The following BTBD7 variants were observed in gnomAD, a reference collection of about 807,000 sequenced individuals.
BTBD7 encodes BTB/POZ domain-containing protein 7.
BTBD7 carries 38 observed loss-of-function variants against 99.9 expected under a neutral mutation model. The observed-to-expected ratio is 0.38, with a 90% confidence interval of 0.29 to 0.50. BTBD7 has a LOEUF of 0.50. BTBD7 is among the 20% of genes least tolerant of loss of function. BTBD7 has a pLI of 0.93. For missense variants in BTBD7, 1,170 were observed against 1,394.6 expected, an observed-to-expected ratio of 0.84 and a Z score of 2.57; for synonymous variants, 520 against 511.4, an observed-to-expected ratio of 1.02 and a Z score of -0.23.
chr14:93,311,774 T>C (rs899205358), intron 1 of BTBD7, among the ~76,000 whole-genome samples: 4 of 151,606 alleles, frequency 2.6e-5, no homozygotes, highest in African/African-American at 9.7e-5. Context: ...ATTCTTTTTA[T>C]CTTTAGGATA....
chr14:93,293,782 T>C, intron 3 of BTBD7, 76 bp downstream of exon 3: 1 of 1,507,138 alleles, frequency 6.6e-7, no homozygotes, highest in South Asian at 1.4e-5. Flanking sequence ...AATCATAGAA[T>C]ATACTGGTTG....
chr14:93,265,335 T>C (rs550873714), intron 3 of BTBD7, among the ~76,000 whole-genome samples: 13 of 152,320 alleles, frequency 8.5e-5, no homozygotes, highest in African/African-American at 2.2e-4. Flanking sequence ...AGAAATATCA[T>C]AGAGAACCGT....
chr14:93,261,589 T>C lies in BTBD7; in HGVS notation c.1447+13A>G. 4.4e-6 allele frequency: 7 copies of C among 1,602,870 alleles called. No individual in the cohort carries two copies. In the South Asian group the frequency reaches 6.6e-5, roughly 15 times the overall value. ...CACAAGGTAACTAGTGCAAGCTAAT[T>C]TTCGGAGCTTACCTCTATCTGCTAT... is the stretch of plus-strand genomic sequence containing the variant. On this transcript the variant is annotated intron_variant, in intron 5 of 10. Coordinates refer to ENST00000334746, the MANE Select transcript of BTBD7 (RefSeq NM_001002860.4).
chr14:93,298,225 C>T (rs2052953323), intron 1 of BTBD7, among the ~76,000 whole-genome samples: 1 of 152,180 alleles, frequency 6.6e-6, no homozygotes, highest in Non-Finnish European at 1.5e-5. Context: ...CACGTACATG[C>T]ATGCACACAC....
At chr14:93,324,675 A>G (rs755229028) in intron 1 of BTBD7, among the ~76,000 whole-genome samples, 5 of 152,210 alleles carry the variant, frequency 3.3e-5, no homozygotes, top group Non-Finnish European at 7.3e-5. Flanking sequence ...CCTTGTTCAC[A>G]TACAAGAGAG....
At position 93,252,306 on chromosome 14, in the gene BTBD7, G is replaced by A. The variant is rs528363764; in HGVS notation, c.1753-654C>T. 9.4e-4 allele frequency among the ~76,000 whole-genome samples: 139 copies of A among 147,854 alleles called. 1 individual carries two copies. Among genetic ancestry groups the A allele is most frequent in the Non-Finnish European group, 1.5e-3 (103 of 67,294 alleles). On this transcript the variant is annotated intron_variant, in intron 7 of 10. Transcript: ENST00000334746. ...GCCTGGATGACAAGAGTGAAACTCC[G>A]TCTTAAAAAAAAAAAAAAGATTGAT...
At chr14:93,324,685 G>A (rs1245906437) in intron 1 of BTBD7, among the ~76,000 whole-genome samples, 2 of 152,272 alleles carry the variant, frequency 1.3e-5, no homozygotes, top group South Asian at 2.1e-4. Flanking sequence ...ATACAAGAGA[G>A]GAAAGAATCT....
chr14:93,301,212 A>G (rs1381707539), intron 1 of BTBD7, among the ~76,000 whole-genome samples: 8 of 150,534 alleles, frequency 5.3e-5, no homozygotes, highest in African/African-American at 2.0e-4. Context: ...TTTTTTTGAG[A>G]CAGAATTTCA....
At chr14:93,287,553 C>A (rs1446606156) in intron 3 of BTBD7, 8 of 151,972 alleles carry the variant, frequency 5.3e-5, no homozygotes. Flanking sequence ...ATATTCATTT[C>A]TTCTTTTTCC....
intron 1 of BTBD7, among the ~76,000 whole-genome samples, chr14:93,301,674 G>A (rs1391546230): frequency 1.3e-5 from 2 of 152,106 alleles, no homozygotes; most frequent in African/African-American, 4.8e-5. Context: ...GGGCAAAAGA[G>A]TGAGACTTTC....
In BTBD7 at chr14:93,245,888, A is replaced by C; in HGVS notation, c.2520T>G (p.Ala840=). The change falls in exon 10 of 11, where the codon GCT becomes GCG. Residue 840 remains alanine (A), a synonymous_variant. Transcript: ENST00000334746. ...TAGLGRQTVA[A]AAATTTSTAT... is the part of the protein sequence containing the mutation. Reference sequence around the variant, plus strand: ...CTGTTGAGGTGGTGGTGGCGGCAGCAGCAGCCACCGTCTGTCTGCCCAGTC... The same window carrying C: ...CTGTTGAGGTGGTGGTGGCGGCAGCCGCAGCCACCGTCTGTCTGCCCAGTC... 1 of 1,613,304 alleles carries C rather than the reference A, an allele frequency of 6.2e-7. No homozygotes were observed.
chr14:93,288,287 T>C (rs1048170545), intron 3 of BTBD7: 5 of 566,812 alleles, frequency 8.8e-6, no homozygotes, highest in South Asian at 2.4e-5. Flanking sequence ...ATTTGTTAGA[T>C]GTTAGACCCT....
At chr14:93,315,761 T>C (rs2053195133) in intron 1 of BTBD7, among the ~76,000 whole-genome samples, 1 of 152,340 alleles carries the variant, frequency 6.6e-6, no homozygotes, top group African/African-American at 2.4e-5. Context: ...TTATTTGCTG[T>C]ATAATATTTC....
At chr14:93,280,510 T>C (rs2052706236) in intron 3 of BTBD7, among the ~76,000 whole-genome samples, 1 of 152,246 alleles carries the variant, frequency 6.6e-6, no homozygotes, top group Non-Finnish European at 1.5e-5. Flanking sequence ...GATGTATGTA[T>C]ATTTCACCCT....
intron 1 of BTBD7, among the ~76,000 whole-genome samples, chr14:93,305,985 A>G (rs1371625902): frequency 6.6e-6 from 1 of 152,202 alleles, no homozygotes; most frequent in Non-Finnish European, 1.5e-5. Context: ...TCTAATCCTA[A>G]TTACTTTCCA....
intron 3 of BTBD7, among the ~76,000 whole-genome samples, chr14:93,281,916 GGTTT>G (rs1388793347): frequency 1.3e-5 from 2 of 152,182 alleles, no homozygotes; most frequent in African/African-American, 4.8e-5. Flanking sequence ...TATAGGAGAT[GGTTT>G]ATTTATGAAT....
At position 93,294,912 on chromosome 14, in the gene BTBD7, G is replaced by A. The variant is rs758853474; in HGVS notation, c.108C>T (p.Gly36=). The change falls in exon 3 of 11, where the codon GGC becomes GGT. Residue 36 remains glycine (G), a synonymous_variant. Transcript: ENST00000334746. ...FIGTSSYSQQ[G]YGCESKLYSL... ...TATACAACTTTGATTCGCAACCATA[G>A]CCTTGCTGAGAATAGGATGAGGTCC... The A allele has an allele frequency of 8.8e-6, 14 of 1,591,106 alleles. No homozygotes were observed. Among genetic ancestry groups the A allele is most frequent in the Non-Finnish European group, 1.2e-5 (14 of 1,173,784 alleles).
At chr14:93,289,535 T>A (rs949819885) in intron 3 of BTBD7, among the ~76,000 whole-genome samples, 11 of 152,204 alleles carry the variant, frequency 7.2e-5, no homozygotes, top group African/African-American at 2.7e-4. Flanking sequence ...TAATCAAGTC[T>A]CTATCTGCTT....
intron 1 of BTBD7, among the ~76,000 whole-genome samples, chr14:93,300,739 TGTGTGTG>T (rs2052988501): frequency 1.1e-5 from 1 of 87,336 alleles, no homozygotes. Flanking sequence ...TGTGTGTGTG[TGTGTGTG>T]TGTGTGTGTG....
Sources: allele counts gnomAD v4.1 joint callset (sites outside exome capture counted in the v4.1 genomes callset), GRCh38; gene constraint gnomAD v4.1.1; transcripts MANE v1.5; gene names NCBI Gene and HGNC (gene_info 2026-07-23, HGNC 2026-07-21).